FHIT: variants seen among roughly 807,000 people sequenced by gnomAD.
FHIT encodes fragile histidine triad diadenosine triphosphatase.
A neutral mutation model predicts 17.9 loss-of-function variants in FHIT; 19 were observed. That is an observed-to-expected ratio of 1.06 (90% CI 0.74 to 1.56). The LOEUF (loss-of-function observed/expected upper bound fraction) is 1.56. Among genes scored for constraint, FHIT ranks in the 40% most tolerant of loss-of-function variants. The pLI, the probability that FHIT is intolerant of heterozygous loss-of-function variation, is 0.00. For synonymous variants in FHIT, 81 were observed against 69.7 expected (o/e 1.16, Z -0.81); for missense variants, 248 against 189.2 (o/e 1.31, Z -1.82).
At chr3:60,226,472 CAA>C (rs1189100387) in intron 5 of FHIT, among the ~76,000 whole-genome samples, 3,642 of 69,954 alleles carry the variant, frequency 0.052, 44 homozygotes, top group Middle Eastern at 0.17. Flanking sequence ...AACTCCGTCT[CAA>C]AAAAAAAAAA....
chr3:61,169,862 T>C (rs2037952270), intron 2 of FHIT, among the ~76,000 whole-genome samples: 1 of 152,126 alleles, frequency 6.6e-6, no homozygotes, highest in African/African-American at 2.4e-5. Flanking sequence ...TTAGAGCAGA[T>C]AAGGGGTTCA....
chr3:60,110,498 T>C (rs2107176748), intron 5 of FHIT, among the ~76,000 whole-genome samples: 1 of 152,318 alleles, frequency 6.6e-6, no homozygotes, highest in South Asian at 2.1e-4. Context: ...GACACCAGTT[T>C]ATGGCTTAGT....
intron 5 of FHIT, among the ~76,000 whole-genome samples, chr3:60,350,985 C>A (rs1014628920): frequency 1.3e-5 from 2 of 152,108 alleles, no homozygotes; most frequent in Non-Finnish European, 2.9e-5. Context: ...CTGTCAACAA[C>A]CTGAGGGAGC....
At chr3:59,970,260 G>C (rs557764923) in intron 7 of FHIT, among the ~76,000 whole-genome samples, 1 of 152,122 alleles carries the variant, frequency 6.6e-6, no homozygotes, top group East Asian at 1.9e-4. Flanking sequence ...AAATATGAGA[G>C]CACAAGACAC....
chr3:60,606,293 T>G (rs945011934), intron 4 of FHIT, among the ~76,000 whole-genome samples: 1 of 151,030 alleles, frequency 6.6e-6, no homozygotes. Context: ...CAGGCTGGAG[T>G]GCAGTGACGC....
At chr3:60,199,783 C>T (rs1471322130) in intron 5 of FHIT, among the ~76,000 whole-genome samples, 6 of 151,972 alleles carry the variant, frequency 3.9e-5, no homozygotes, top group South Asian at 4.1e-4. Context: ...AAAGAAGAAA[C>T]CTATGAGAAC....
chr3:60,395,869 G>C (rs933907534), intron 5 of FHIT, among the ~76,000 whole-genome samples: 1 of 152,120 alleles, frequency 6.6e-6, no homozygotes, highest in African/African-American at 2.4e-5. Context: ...AGCTTGGACA[G>C]GGTTATTAAC....
chr3:60,998,966 C>T (rs1036016220), intron 3 of FHIT, among the ~76,000 whole-genome samples: 1 of 151,624 alleles, frequency 6.6e-6, no homozygotes, highest in Non-Finnish European at 1.5e-5. Flanking sequence ...TTAGAGACAC[C>T]GTGGGAAATA....
chr3:61,020,566 A>G (rs1234829714), intron 3 of FHIT, among the ~76,000 whole-genome samples: 4 of 152,250 alleles, frequency 2.6e-5, no homozygotes, highest in Non-Finnish European at 4.4e-5. Flanking sequence ...CTGCAAAAAC[A>G]TAACAAATTA....
At chr3:60,700,521 T>C (rs931885848) in intron 4 of FHIT, among the ~76,000 whole-genome samples, 4 of 151,318 alleles carry the variant, frequency 2.6e-5, no homozygotes, top group African/African-American at 9.8e-5. Context: ...GTGCTGTTTT[T>C]ATGTTAATGT....
chr3:59,832,817 AT>A (rs1248719016), intron 8 of FHIT, among the ~76,000 whole-genome samples: 3 of 152,240 alleles, frequency 2.0e-5, no homozygotes, highest in Non-Finnish European at 4.4e-5. Flanking sequence ...TATCTTCCCT[AT>A]CATTGAGTGA....
At chr3:60,214,563 T>G (rs981320573) in intron 5 of FHIT, among the ~76,000 whole-genome samples, 2 of 152,112 alleles carry the variant, frequency 1.3e-5, no homozygotes, top group African/African-American at 4.8e-5. Context: ...ATACTGCTGG[T>G]AGGAATGTAA....
chr3:61,026,405 A>T (rs1020103589), intron 3 of FHIT, among the ~76,000 whole-genome samples: 8 of 152,212 alleles, frequency 5.3e-5, no homozygotes, highest in African/African-American at 1.9e-4. Context: ...ACTCACAAGA[A>T]GTCAAGAAGA....
At chr3:60,203,232 A>T (rs1703000203) in intron 5 of FHIT, among the ~76,000 whole-genome samples, 1 of 152,210 alleles carries the variant, frequency 6.6e-6, no homozygotes, top group African/African-American at 2.4e-5. Flanking sequence ...TTCAAAACAC[A>T]AAGTTAAAAA....
chr3:60,339,826 C>T (rs1290542681), intron 5 of FHIT, among the ~76,000 whole-genome samples: 1 of 152,108 alleles, frequency 6.6e-6, no homozygotes, highest in Admixed American at 6.5e-5. Flanking sequence ...GGGCCATGTT[C>T]TCACCTTGTT....
intron 5 of FHIT, among the ~76,000 whole-genome samples, chr3:60,121,714 ACACACACACAC>A (rs1705264052): frequency 3.0e-5 from 1 of 33,702 alleles, no homozygotes; most frequent in East Asian, 3.0e-3. Context: ...AAACAAACAC[ACACACACACAC>A]ACACACACAC....
intron 8 of FHIT, among the ~76,000 whole-genome samples, chr3:59,904,526 T>A (rs1704493934): frequency 6.6e-6 from 1 of 152,150 alleles, no homozygotes. Context: ...ATGATTTTGA[T>A]GTAGGATTTT....
At chr3:60,270,362 C>A (rs1706802768) in intron 5 of FHIT, among the ~76,000 whole-genome samples, 1 of 152,150 alleles carries the variant, frequency 6.6e-6, no homozygotes, top group African/African-American at 2.4e-5. Flanking sequence ...GTTAAAGTTA[C>A]TTTGAGTTTC....
chr3:60,551,217 C>T (rs1435602732), intron 4 of FHIT, among the ~76,000 whole-genome samples: 4 of 151,644 alleles, frequency 2.6e-5, no homozygotes, highest in African/African-American at 7.3e-5. Context: ...TCAGATCATA[C>T]AAGGTCTTGT....
Sources: allele counts gnomAD v4.1 joint callset (sites outside exome capture counted in the v4.1 genomes callset), GRCh38; gene constraint gnomAD v4.1.1; transcripts MANE v1.5; gene names NCBI Gene and HGNC (gene_info 2026-07-23, HGNC 2026-07-21).